The following DNMT3B variants were observed in gnomAD, a reference collection of about 807,000 sequenced individuals.
DNMT3B encodes DNA (cytosine-5)-methyltransferase 3B.
In DNMT3B, 37 loss-of-function variants were observed where a neutral mutation model predicts 120.2. The observed-to-expected ratio is 0.31, with a 90% confidence interval of 0.24 to 0.40. The LOEUF is 0.40. DNMT3B is among the 10% of genes least tolerant of loss of function. The pLI, the probability that DNMT3B is intolerant of heterozygous loss-of-function variation, is 1.00. For missense variants in DNMT3B, 878 were observed against 1,137.3 expected, an observed-to-expected ratio of 0.77 and a Z score of 3.28; for synonymous variants, 412 against 442.8, an observed-to-expected ratio of 0.93 and a Z score of 0.87.
intron 3 of DNMT3B, among the ~76,000 whole-genome samples, chr20:32,782,826 G>T (rs1978789822): frequency 6.6e-6 from 1 of 152,140 alleles, no homozygotes; most frequent in African/African-American, 2.4e-5. Context: ...GGAGACTACT[G>T]TATAGCAAAC....
At chr20:32,789,367 G>C (rs149320802) in intron 7 of DNMT3B, among the ~76,000 whole-genome samples, 8 of 152,230 alleles carry the variant, frequency 5.3e-5, no homozygotes, top group African/African-American at 1.9e-4. Flanking sequence ...CGGAAGCATG[G>C]CCGCGGCCTC....
Position 32,800,214 on chromosome 20 carries a change from T to G in DNMT3B, c.1821T>G (p.Cys607Trp). Reference protein sequence around the residue: ...KVGKYVASEVCEESIAVGTVK... With the variant: ...KVGKYVASEVWEESIAVGTVK... ...GAAAGTACGTCGCTTCTGAAGTGTG[T>G]GAGGAGTCCATTGCTGTTGGAACCG... is the stretch of plus-strand genomic sequence containing the variant. The change falls in exon 17 of 23, where the codon TGT (cysteine) becomes TGG (tryptophan). Residue 607 changes from cysteine (C) to tryptophan (W), a missense_variant. By Grantham distance (215) the Cys-to-Trp change is radical. Around this residue, in one of 4 missense-constraint regions of DNMT3B, gnomAD observed 334 missense variants for 518.8 expected, o/e 0.64. Transcript: ENST00000328111. 1 of 1,614,176 alleles carries G rather than the reference T, an allele frequency of 6.2e-7. No homozygotes were observed. The highest frequency in any genetic ancestry group is 8.5e-7 in the Non-Finnish European group (1 of 1,180,026).
At chr20:32,782,657 G>T (rs73906059) in intron 3 of DNMT3B, among the ~76,000 whole-genome samples, 348 of 152,232 alleles carry the variant, frequency 2.3e-3, no homozygotes, top group African/African-American at 7.8e-3. Flanking sequence ...TATTGTAATT[G>T]CTCTATTTTA....
chr20:32,794,660 G>A (rs1419018840), intron 10 of DNMT3B, among the ~76,000 whole-genome samples: 3 of 152,146 alleles, frequency 2.0e-5, no homozygotes, highest in African/African-American at 7.2e-5. Flanking sequence ...AAAGGAACAG[G>A]TGAAATTAAT....
chr20:32,780,221 G>T, intron 1 of DNMT3B, 97 bp from the exon 2 acceptor site: 1 of 1,613,136 alleles, frequency 6.2e-7, no homozygotes, highest in Non-Finnish European at 8.5e-7. Flanking sequence ...GCATCCTGGG[G>T]CCTTGGCCTG....
intron 1 of DNMT3B, among the ~76,000 whole-genome samples, chr20:32,778,121 G>A (rs1373270578): frequency 1.3e-5 from 2 of 152,112 alleles, no homozygotes; most frequent in African/African-American, 4.8e-5. Context: ...GGCAGATCAC[G>A]AGGACAAGAC....
At chr20:32,780,588 A>G in intron 2 of DNMT3B, 123 bp downstream of exon 2, 1 of 1,464,422 alleles carries the variant, frequency 6.8e-7, no homozygotes, top group Non-Finnish European at 9.1e-7. Flanking sequence ...GGGAGGGAAG[A>G]GAGCTCTAGC....
chr20:32,796,715 C>T lies in DNMT3B; in HGVS notation c.1298-75C>T, dbSNP rs1030021378. On this transcript the variant is annotated intron_variant, in intron 12 of 22. Transcript: ENST00000328111. ...CTGGCCTGGAGGGAAATCTTAGGAACTGAGAGACCCCAGGCTTTAGCAGCT... is the reference window on the plus strand; with the variant it reads ...CTGGCCTGGAGGGAAATCTTAGGAATTGAGAGACCCCAGGCTTTAGCAGCT... 13 of 1,537,196 alleles carry T rather than the reference C, an allele frequency of 8.5e-6. No homozygotes were observed. The African/African-American group carries it at 1.5e-4, about 18-fold the overall frequency.
rs73258152 is a variant in DNMT3B at position 32,787,481 on chromosome 20, T to C, written c.654+30T>C. On this transcript the variant is annotated intron_variant, in intron 6 of 22. Transcript: ENST00000328111. ...GGCCGAGAGGGGCTCCTGCCCAGGG[T>C]GACTGAGGACCCTGAACACGGGGAA... 0.015 allele frequency: 24,370 copies of C among 1,603,584 alleles called. 2,426 individuals are homozygous for C. In the African/African-American group the frequency reaches 0.25, roughly 16 times the overall value.
chr20:32,764,940 C>T (rs1486374754), intron 1 of DNMT3B, among the ~76,000 whole-genome samples: 3 of 152,186 alleles, frequency 2.0e-5, no homozygotes, highest in Admixed American at 2.0e-4. Context: ...GCCTGTCGCC[C>T]CTCATTATTG....
In DNMT3B at chr20:32,800,265, C is replaced by T. The variant is rs143711646; in HGVS notation, c.1872C>T (p.Tyr624=). Residue 624 remains tyrosine (Y), a synonymous_variant, in exon 17 of 23, where the codon TAC becomes TAT. Coordinates refer to ENST00000328111, the MANE Select transcript of DNMT3B (RefSeq NM_006892.4). ...TGAAGCACGAGGGGAATATCAAATA[C>T]GTGAACGACGTGAGGAACATCACAA... ...GTVKHEGNIK[Y]VNDVRNITKK... 3.7e-5 allele frequency: 60 copies of T among 1,614,042 alleles called. No homozygotes were observed. In the Middle Eastern group the frequency reaches 4.9e-4, roughly 13 times the overall value.
At position 32,799,334 on chromosome 20, in the gene DNMT3B, T is replaced by C. The variant is rs1981039593; in HGVS notation, c.1759+6T>C. The C allele has an allele frequency of 6.2e-7, 1 of 1,611,012 alleles. No individual in the cohort carries two copies. The stretch of plus-strand genomic sequence containing the variant: ...GTTTGATGGCATCGCGACAGGTGAG[T>C]TCGGGGAACACCTGGAGACACTGCT... On this transcript the variant is annotated splice_donor_region_variant and intron_variant, in intron 16 of 22. Coordinates refer to ENST00000328111, the MANE Select transcript of DNMT3B (RefSeq NM_006892.4).
intron 1 of DNMT3B, among the ~76,000 whole-genome samples, chr20:32,772,377 C>G (rs1240967346): frequency 4.0e-5 from 6 of 150,306 alleles, no homozygotes; most frequent in African/African-American, 1.5e-4. Flanking sequence ...AGATTTAAGG[C>G]GTTCTTAGTT....
At position 32,767,215 on chromosome 20, in the gene DNMT3B, G is replaced by A. The variant is rs552822224; in HGVS notation, c.-7+4516G>A. On this transcript the variant is annotated intron_variant, in intron 1 of 22. Coordinates refer to ENST00000328111, the MANE Select transcript of DNMT3B (RefSeq NM_006892.4). ...CTGGCCCAAATTCAATTTTTAATGG[G>A]GTCCTTGTCTTGTTTTATGGGTACA... 1.2e-4 allele frequency among the ~76,000 whole-genome samples: 18 copies of A among 152,144 alleles called. No homozygotes were observed. The East Asian group carries it at 3.5e-3, about 29-fold the overall frequency.
In DNMT3B at chr20:32,787,248, A is replaced by G. The variant is rs748828546; in HGVS notation, c.451A>G (p.Thr151Ala). Residue 151 changes from threonine (T) to alanine (A), a missense_variant, in exon 6 of 23, where the codon ACA becomes GCA. Physicochemically the swap from Thr to Ala is moderately conservative, Grantham distance 58. Coordinates refer to ENST00000328111, the MANE Select transcript of DNMT3B (RefSeq NM_006892.4). Reference sequence around the variant, plus strand: ...TCCACAGTCCCTGAGACGGCGGGCAACAGCATCGGCAGGAACGCCATGGCC... The same window carrying G: ...TCCACAGTCCCTGAGACGGCGGGCAGCAGCATCGGCAGGAACGCCATGGCC... The part of the protein sequence containing the change: ...PATRSLRRRA[T>A]ASAGTPWPSP... 1.9e-6 allele frequency: 3 copies of G among 1,614,242 alleles called. No homozygotes were observed. Among genetic ancestry groups the G allele is most frequent in the Non-Finnish European group, 2.5e-6 (3 of 1,180,054 alleles).
At chr20:32,807,612 G>T (rs1982108113) in intron 22 of DNMT3B, 150 bp from the exon 23 acceptor site, 4 of 1,180,372 alleles carry the variant, frequency 3.4e-6, no homozygotes, top group South Asian at 1.2e-5. Flanking sequence ...CAAGTGTTCT[G>T]AATTAAGGGC....
intron 22 of DNMT3B, among the ~76,000 whole-genome samples, chr20:32,807,276 T>C (rs1449454507): frequency 6.6e-6 from 1 of 152,088 alleles, no homozygotes; most frequent in East Asian, 1.9e-4. Flanking sequence ...AGAGGAAGCT[T>C]TTGGTATATT....
intron 2 of DNMT3B, among the ~76,000 whole-genome samples, 169 bp from the exon 3 acceptor site, chr20:32,781,184 C>A (rs6119955): frequency 0.094 from 14,358 of 152,206 alleles, 2,150 homozygotes; most frequent in African/African-American, 0.32. Flanking sequence ...GGAATAAAAT[C>A]AGTGGAGAAG....
chr20:32,806,133 C>G, intron 21 of DNMT3B, 76 bp from the exon 22 acceptor site: 1 of 1,368,162 alleles, frequency 7.3e-7, no homozygotes, highest in Non-Finnish European at 1.0e-6. Context: ...CTCCATCTTT[C>G]CCAGGTACTT....
Sources: allele counts gnomAD v4.1 joint callset (sites outside exome capture counted in the v4.1 genomes callset), GRCh38; gene constraint gnomAD v4.1.1; regional missense constraint gnomAD v4.1.1; transcripts MANE v1.5; gene names NCBI Gene and HGNC (gene_info 2026-07-23, HGNC 2026-07-21).